NPAS3: variants seen among roughly 807,000 people sequenced by gnomAD.
NPAS3 encodes the protein neuronal PAS domain-containing protein 3.
In NPAS3, 14 loss-of-function variants were observed where a neutral mutation model predicts 73.1. That is an observed-to-expected ratio of 0.19 (90% CI 0.13 to 0.30). NPAS3 has a LOEUF of 0.30. NPAS3 is among the 10% of genes least tolerant of loss of function. NPAS3 has a pLI of 1.00. For missense variants in NPAS3, 1,096 were observed against 1,250.0 expected, an observed-to-expected ratio of 0.88 and a Z score of 1.86; for synonymous variants, 620 against 541.5, an observed-to-expected ratio of 1.14 and a Z score of -2.01.
intron 2 of NPAS3, among the ~76,000 whole-genome samples, chr14:33,120,734 G>A (rs2043204667): frequency 6.6e-6 from 1 of 152,022 alleles, no homozygotes; most frequent in East Asian, 1.9e-4. Flanking sequence ...AAGATGCCCG[G>A]ATGATTCCTA....
intron 6 of NPAS3, among the ~76,000 whole-genome samples, chr14:33,723,045 C>T (rs1021484056): frequency 4.6e-5 from 7 of 152,100 alleles, no homozygotes; most frequent in Admixed American, 2.0e-4. Context: ...CACATTCACA[C>T]GGGAAAATTA....
chr14:33,252,556 T>C (rs761337195), intron 3 of NPAS3, among the ~76,000 whole-genome samples: 3 of 152,076 alleles, frequency 2.0e-5, no homozygotes, highest in Non-Finnish European at 4.4e-5. Flanking sequence ...TTACATTGTC[T>C]TAAAGTTTAT....
intron 5 of NPAS3, among the ~76,000 whole-genome samples, chr14:33,620,384 A>G (rs2058044531): frequency 6.6e-6 from 1 of 152,150 alleles, no homozygotes; most frequent in Admixed American, 6.6e-5. Flanking sequence ...TGAAAATGGA[A>G]CTGTAGAGAC....
intron 1 of NPAS3, among the ~76,000 whole-genome samples, chr14:32,963,048 A>T (rs17099764): frequency 6.6e-6 from 1 of 151,966 alleles, no homozygotes; most frequent in African/African-American, 2.4e-5. Context: ...AAAGTCATCT[A>T]TCATTTAAAT....
chr14:33,524,813 C>T (rs540452499), intron 4 of NPAS3, among the ~76,000 whole-genome samples: 42 of 152,244 alleles, frequency 2.8e-4, no homozygotes, highest in African/African-American at 8.4e-4. Context: ...GGTGGACCAT[C>T]GCTTGTAGAT....
intron 2 of NPAS3, among the ~76,000 whole-genome samples, chr14:33,174,967 T>C (rs919355470): frequency 6.6e-6 from 1 of 152,204 alleles, no homozygotes; most frequent in African/African-American, 2.4e-5. Context: ...GTCCATTTCA[T>C]GTGACTCGTA....
At chr14:33,313,922 A>G (rs957541451) in intron 3 of NPAS3, among the ~76,000 whole-genome samples, 4 of 152,068 alleles carry the variant, frequency 2.6e-5, no homozygotes, top group African/African-American at 4.8e-5. Context: ...AATGTTATGC[A>G]TAATTCATTG....
chr14:33,681,622 A>C (rs578191964), intron 6 of NPAS3, among the ~76,000 whole-genome samples: 1 of 152,314 alleles, frequency 6.6e-6, no homozygotes, highest in Admixed American at 6.5e-5. Flanking sequence ...CTACATATAG[A>C]GTAGCAACTT....
At chr14:33,329,772 A>AAGCCCC (rs2043894938) in intron 3 of NPAS3, among the ~76,000 whole-genome samples, 1 of 152,034 alleles carries the variant, frequency 6.6e-6, no homozygotes, top group South Asian at 2.1e-4. Flanking sequence ...TTTAGTAAGT[A>AAGCCCC]AGCCCTTTTC....
At chr14:32,959,719 C>T (rs1159503826) in intron 1 of NPAS3, among the ~76,000 whole-genome samples, 2 of 152,274 alleles carry the variant, frequency 1.3e-5, no homozygotes, top group African/African-American at 4.8e-5. Flanking sequence ...TTCATTTCCT[C>T]AGTAACAGCA....
chr14:33,097,874 T>G (rs1407576347), intron 2 of NPAS3, among the ~76,000 whole-genome samples: 1 of 152,232 alleles, frequency 6.6e-6, no homozygotes, highest in Non-Finnish European at 1.5e-5. Flanking sequence ...TTTCTTGACT[T>G]ACAGTTCTGC....
chr14:33,547,435 T>A (rs1203572985), intron 4 of NPAS3, among the ~76,000 whole-genome samples: 4 of 152,172 alleles, frequency 2.6e-5, no homozygotes, highest in Non-Finnish European at 5.9e-5. Context: ...TCAAAATTTG[T>A]CAGTAATCAT....
chr14:33,318,127 A>C (rs2043283429), intron 3 of NPAS3, among the ~76,000 whole-genome samples: 1 of 152,104 alleles, frequency 6.6e-6, no homozygotes, highest in Non-Finnish European at 1.5e-5. Context: ...ATTTTAAAAA[A>C]GGGGTATATA....
At chr14:33,620,717 T>TA (rs1345792637) in intron 5 of NPAS3, among the ~76,000 whole-genome samples, 1 of 152,220 alleles carries the variant, frequency 6.6e-6, no homozygotes, top group East Asian at 1.9e-4. Flanking sequence ...TGCCCATTCT[T>TA]AGGTTTACTT....
intron 5 of NPAS3, among the ~76,000 whole-genome samples, chr14:33,639,488 G>C (rs1020805689): frequency 1.3e-5 from 2 of 152,022 alleles, no homozygotes; most frequent in Non-Finnish European, 2.9e-5. Context: ...ACATAATATG[G>C]CTCCTAGGAT....
intron 1 of NPAS3, among the ~76,000 whole-genome samples, chr14:32,966,776 CA>C (rs61620104): frequency 0.063 from 2,848 of 45,034 alleles, 34 homozygotes; most frequent in East Asian, 0.31. Flanking sequence ...GACTCCGTCT[CA>C]AAAAAAAAAA....
intron 5 of NPAS3, among the ~76,000 whole-genome samples, chr14:33,569,060 T>C (rs1159623494): frequency 2.6e-5 from 4 of 152,254 alleles, no homozygotes; most frequent in African/African-American, 9.6e-5. Flanking sequence ...CTTTCTGATA[T>C]GGCTTTCGTG....
At chr14:33,003,408 T>A (rs1205424480) in intron 1 of NPAS3, among the ~76,000 whole-genome samples, 1 of 152,088 alleles carries the variant, frequency 6.6e-6, no homozygotes, top group Non-Finnish European at 1.5e-5. Flanking sequence ...ACTTAACAAA[T>A]CCCTTGGGAA....
At chr14:33,645,702 G>T (rs184824561) in intron 5 of NPAS3, among the ~76,000 whole-genome samples, 11 of 152,172 alleles carry the variant, frequency 7.2e-5, no homozygotes, top group African/African-American at 2.2e-4. Flanking sequence ...GTAATTCAAG[G>T]ACTCTCTCTG....
Sources: gnomAD v4.1 joint callset for allele counts (sites outside exome capture counted in the v4.1 genomes callset) on GRCh38, gnomAD v4.1.1 for gene constraint, MANE v1.5 for transcripts, NCBI Gene and HGNC (gene_info 2026-07-23, HGNC 2026-07-21) for gene names.